The following PIK3C2B variants were observed in gnomAD, a reference collection of about 807,000 sequenced individuals.
PIK3C2B encodes the protein phosphatidylinositol-4-phosphate 3-kinase catalytic subunit type 2 beta.
Under a neutral mutation model 184.3 loss-of-function variants are expected in PIK3C2B, and 83 were observed. That is an observed-to-expected ratio of 0.45 (90% CI 0.38 to 0.54). The LOEUF (loss-of-function observed/expected upper bound fraction) is 0.54, where lower values mean the gene tolerates loss of function less well. PIK3C2B is among the 20% of genes least tolerant of loss of function. The pLI is 0.00. For synonymous variants in PIK3C2B, 779 were observed against 837.6 expected, an observed-to-expected ratio of 0.93 and a Z score of 1.21; for missense variants, 1,736 against 2,113.5, an observed-to-expected ratio of 0.82 and a Z score of 3.50.
intron 1 of PIK3C2B, among the ~76,000 whole-genome samples, chr1:204,481,638 C>T (rs1314362914): frequency 1.3e-5 from 2 of 152,164 alleles, no homozygotes; most frequent in African/African-American, 2.4e-5. Context: ...CCTCTCAGCA[C>T]CAGGGGGCAG....
intron 3 of PIK3C2B, 47 bp downstream of exon 3, chr1:204,465,172 C>CCAACCCCAA: frequency 6.1e-6 from 5 of 820,632 alleles, no homozygotes; most frequent in East Asian, 3.0e-5. Flanking sequence ...CCCCCCTCCC[C>CCAACCCCAA]ATCCCCCATA....
At chr1:204,435,884 A>C (rs1034073654) in intron 23 of PIK3C2B, 1 of 152,230 alleles carries the variant, frequency 6.6e-6, no homozygotes, top group Non-Finnish European at 1.5e-5. Context: ...TTTCTTAGAA[A>C]GTAAAATAAA....
At chr1:204,454,500 A>G in intron 12 of PIK3C2B, 169 bp downstream of exon 12, 1 of 577,692 alleles carries the variant, frequency 1.7e-6, no homozygotes, top group East Asian at 3.1e-5. Context: ...AAAAAAAAAA[A>G]GAGTCAGGGA....
At chr1:204,454,936 A>G in intron 11 of PIK3C2B, 145 bp from the exon 12 acceptor site, 1 of 845,568 alleles carries the variant, frequency 1.2e-6, no homozygotes, top group Non-Finnish European at 1.8e-6. Context: ...CGGATAGGAC[A>G]GCCAAACTGG....
chr1:204,438,569 C>G (rs1675476046), intron 23 of PIK3C2B, among the ~76,000 whole-genome samples: 1 of 152,200 alleles, frequency 6.6e-6, no homozygotes, highest in African/African-American at 2.4e-5. Context: ...CCAACCAACT[C>G]TTTTTCTAGA....
In PIK3C2B at chr1:204,445,288, A is replaced by G. The variant is rs532832438; in HGVS notation, c.2678+668T>C. Among the ~76,000 whole-genome samples the G allele has an allele frequency of 2.0e-5, 3 of 152,042 alleles. No homozygotes were observed. The East Asian group carries it at 5.8e-4, about 29-fold the overall frequency. ...AGCAGGGAGTTTAATGGTGTCTGTAATTTACTTCAAAATGTATAAAAAGGC... is the reference window on the plus strand; with the variant it reads ...AGCAGGGAGTTTAATGGTGTCTGTAGTTTACTTCAAAATGTATAAAAAGGC... On this transcript the variant is annotated intron_variant, in intron 16 of 32. Coordinates refer to ENST00000684373, the MANE Select transcript of PIK3C2B (RefSeq NM_001377334.1).
chr1:204,445,926 T>G lies in PIK3C2B; in HGVS notation c.2678+30A>C, dbSNP rs367726823. The G allele has an allele frequency of 1.9e-5, 28 of 1,446,314 alleles. No individual in the cohort carries two copies. In the African/African-American group the frequency reaches 3.7e-4, roughly 19 times the overall value. 89.6% of individuals were successfully genotyped at this position (1,446,314 alleles called of 1,614,324 possible). The stretch of plus-strand genomic sequence containing the variant: ...GTGCCCTGGCTTCTACAAGAACACA[T>G]AGTCAGAAAAGGCAGATGTTACAAC... On this transcript the variant is annotated intron_variant, in intron 16 of 32. Transcript: ENST00000684373.
chr1:204,442,458 G>T, intron 20 of PIK3C2B, 68 bp downstream of exon 20: 1 of 1,001,072 alleles, frequency 1.0e-6, no homozygotes, highest in Non-Finnish European at 1.5e-6. Context: ...TTGCATGCCT[G>T]GTTAGTGAAG....
intron 8 of PIK3C2B, 135 bp downstream of exon 8, chr1:204,459,742 TA>T (rs1338923559): frequency 4.1e-6 from 3 of 732,224 alleles, no homozygotes; most frequent in Non-Finnish European, 7.2e-6. Flanking sequence ...AGCGAGGGGT[TA>T]AAAAGAAGTG....
At position 204,439,550 on chromosome 1, in the gene PIK3C2B, A is replaced by G. The variant is rs189817626; in HGVS notation, c.3380-479T>C. On this transcript the variant is annotated intron_variant, in intron 22 of 32. Transcript: ENST00000684373. ...TTAACAAAGACACCATGCCATTGTC[A>G]CATCCAAAAAATTAACAATCACTCT... Among the ~76,000 whole-genome samples the G allele has an allele frequency of 2.4e-3, 371 of 152,326 alleles. 4 individuals carry two copies. Among genetic ancestry groups the G allele is most frequent in the African/African-American group, 8.7e-3 (360 of 41,570 alleles).
chr1:204,457,904 G>A (rs773211839), intron 8 of PIK3C2B, 30 bp from the exon 9 acceptor site: 2 of 1,605,872 alleles, frequency 1.2e-6, no homozygotes, highest in Admixed American at 3.4e-5. Flanking sequence ...GAGGCTGGCA[G>A]GCTCTGCTCT....
intron 2 of PIK3C2B, 85 bp downstream of exon 2, chr1:204,468,785 G>T: frequency 8.1e-7 from 1 of 1,234,960 alleles, no homozygotes; most frequent in Non-Finnish European, 1.1e-6. Context: ...ACTTGGCAGA[G>T]TTGGATGTAG....
intron 1 of PIK3C2B, among the ~76,000 whole-genome samples, chr1:204,485,485 C>A (rs1451913158): frequency 6.6e-6 from 1 of 152,000 alleles, no homozygotes; most frequent in African/African-American, 2.4e-5. Flanking sequence ...AGACCACTAA[C>A]TAGTCTGTCT....
At position 204,424,824 on chromosome 1, in the gene PIK3C2B, G is replaced by A. The variant is rs754855079; in HGVS notation, c.*28C>T. ...CTCCCCCAGCTCCTGCCACCAGCCT[G>A]GGATGCTGGGTGGTGGCTCTGCTGG... On this transcript the variant is annotated 3_prime_UTR_variant, in exon 33 of 33. Coordinates refer to ENST00000684373, the MANE Select transcript of PIK3C2B (RefSeq NM_001377334.1). 2 of 1,608,518 alleles carry A rather than the reference G, an allele frequency of 1.2e-6. No individual in the cohort carries two copies. Among genetic ancestry groups the A allele is most frequent in the Non-Finnish European group, 1.7e-6 (2 of 1,175,146 alleles).
At chr1:204,482,394 T>C (rs963235835) in intron 1 of PIK3C2B, among the ~76,000 whole-genome samples, 1 of 152,220 alleles carries the variant, frequency 6.6e-6, no homozygotes, top group African/African-American at 2.4e-5. Flanking sequence ...AAGGATATCC[T>C]GCTCCAGGGT....
Position 204,465,200 on chromosome 1 carries a change from C to CTG in PIK3C2B, c.1034+18_1034+19insCA. On this transcript the variant is annotated intron_variant, in intron 3 of 32. Coordinates refer to ENST00000684373, the MANE Select transcript of PIK3C2B (RefSeq NM_001377334.1). The stretch of plus-strand genomic sequence containing the variant: ...CCCCCATAGCCCTCCCAAATCCCAC[C>CTG]CCATTCTTTAACTCTTACATATCCA... The CTG allele has an allele frequency of 8.3e-7, 1 of 1,202,072 alleles. No homozygotes were observed. The highest frequency in any genetic ancestry group is 1.2e-6 in the Non-Finnish European group (1 of 847,274). The allele number at this position is 1,202,072 out of a possible 1,614,324, so 74.5% of individuals were successfully genotyped here.
Position 204,424,730 on chromosome 1 carries a change from TG to T in PIK3C2B, c.*121del. ...TCCTACCACAGAGGCCAGAATCACC[TG>T]GACCGAGCTGGAGGCCTGCCCAGGG... On this transcript the variant is annotated 3_prime_UTR_variant, in exon 33 of 33. Coordinates refer to ENST00000684373, the MANE Select transcript of PIK3C2B (RefSeq NM_001377334.1). 3.2e-6 allele frequency: 3 copies of T among 938,512 alleles called. No individual in the cohort carries two copies. The highest frequency in any genetic ancestry group is 5.3e-6 in the Non-Finnish European group (3 of 571,058). The allele number at this position is 938,512 out of a possible 1,614,324, so 58.1% of individuals were successfully genotyped here.
intron 1 of PIK3C2B, among the ~76,000 whole-genome samples, chr1:204,486,759 A>T (rs1424271383): frequency 6.6e-6 from 1 of 152,176 alleles, no homozygotes; most frequent in East Asian, 1.9e-4. Context: ...TTTATTTATT[A>T]ACACAGTTAC....
chr1:204,479,816 T>G (rs1050642468), intron 1 of PIK3C2B, among the ~76,000 whole-genome samples: 1 of 152,228 alleles, frequency 6.6e-6, no homozygotes, highest in Non-Finnish European at 1.5e-5. Context: ...CATTCCTGTG[T>G]GGGTGGGGAA....
Sources: gnomAD v4.1 joint callset for allele counts (sites outside exome capture counted in the v4.1 genomes callset) on GRCh38, gnomAD v4.1.1 for gene constraint, MANE v1.5 for transcripts, NCBI Gene and HGNC (gene_info 2026-07-23, HGNC 2026-07-21) for gene names.